The following CDH13 variants were observed in gnomAD, a reference collection of about 807,000 sequenced individuals.
CDH13 encodes cadherin-13.
A neutral mutation model predicts 63.8 loss-of-function variants in CDH13; 24 were observed. The ratio of observed to expected loss-of-function variants is 0.38; its 90% CI spans 0.27 to 0.53. The LOEUF (loss-of-function observed/expected upper bound fraction) is 0.53. Ranked by LOEUF, CDH13 falls within the 20% of genes least tolerant of loss-of-function variation. The pLI, the probability that CDH13 is intolerant of heterozygous loss-of-function variation, is 0.85. For synonymous variants in CDH13, 503 were observed against 355.3 expected (o/e 1.42, Z -4.67); for missense variants, 1,049 against 903.1 (o/e 1.16, Z -2.07).
intron 7 of CDH13, among the ~76,000 whole-genome samples, chr16:83,508,796 T>A (rs1053067883): frequency 8.5e-5 from 13 of 152,244 alleles, no homozygotes; most frequent in Non-Finnish European, 2.9e-5. Flanking sequence ...TGCACTCAAA[T>A]AGGCAGAGAG....
intron 10 of CDH13, among the ~76,000 whole-genome samples, chr16:83,727,890 G>A (rs976670953): frequency 6.6e-6 from 1 of 152,146 alleles, no homozygotes; most frequent in Non-Finnish European, 1.5e-5. Flanking sequence ...CGCTGCTAAT[G>A]GGCTCGCTTC....
At chr16:82,880,853 G>A (rs534147549) in intron 2 of CDH13, among the ~76,000 whole-genome samples, 8 of 152,256 alleles carry the variant, frequency 5.3e-5, no homozygotes, top group Non-Finnish European at 1.2e-4. Context: ...CTTTGAATGA[G>A]GGAATTCATA....
intron 5 of CDH13, among the ~76,000 whole-genome samples, chr16:83,314,890 C>A (rs541222633): frequency 6.6e-6 from 1 of 152,170 alleles, no homozygotes; most frequent in Admixed American, 6.5e-5. Flanking sequence ...GTCAGTGGTT[C>A]CTGTGGGTTC....
chr16:83,254,225 C>A (rs1182877647), intron 5 of CDH13, among the ~76,000 whole-genome samples: 1 of 152,174 alleles, frequency 6.6e-6, no homozygotes, highest in Non-Finnish European at 1.5e-5. Flanking sequence ...GGATTGGGAA[C>A]CACAGCGAAG....
At chr16:83,535,918 A>T (rs1010980016) in intron 7 of CDH13, among the ~76,000 whole-genome samples, 1 of 143,384 alleles carries the variant, frequency 7.0e-6, no homozygotes, top group African/African-American at 2.6e-5. Context: ...AAAAAAGGAA[A>T]GAAGGAAAGA....
intron 6 of CDH13, among the ~76,000 whole-genome samples, chr16:83,406,632 A>T (rs768224942): frequency 6.6e-6 from 1 of 152,016 alleles, no homozygotes; most frequent in Admixed American, 6.6e-5. Context: ...CGGCCAGCTA[A>T]TTTTTGTATT....
At chr16:82,918,549 C>T (rs988871025) in intron 2 of CDH13, among the ~76,000 whole-genome samples, 33 of 148,912 alleles carry the variant, frequency 2.2e-4, no homozygotes, top group South Asian at 2.1e-4. Flanking sequence ...CACTCTGTCA[C>T]CCAGGCTGGA....
intron 7 of CDH13, among the ~76,000 whole-genome samples, chr16:83,590,053 T>G (rs1463045951): frequency 6.6e-6 from 1 of 152,186 alleles, no homozygotes; most frequent in South Asian, 2.1e-4. Flanking sequence ...AGCTCAGCTT[T>G]ACAGAATATA....
chr16:83,019,264 T>C (rs1915111978), intron 2 of CDH13, among the ~76,000 whole-genome samples: 1 of 152,162 alleles, frequency 6.6e-6, no homozygotes, highest in Non-Finnish European at 1.5e-5. Context: ...CTCTTTTTCT[T>C]TTTCACTTGT....
chr16:82,934,981 A>G (rs577633865), intron 2 of CDH13, among the ~76,000 whole-genome samples: 1 of 152,264 alleles, frequency 6.6e-6, no homozygotes, highest in South Asian at 2.1e-4. Flanking sequence ...ACAGTTCCAA[A>G]GTCACTTCCA....
intron 5 of CDH13, among the ~76,000 whole-genome samples, chr16:83,227,981 C>G (rs1240431082): frequency 6.6e-6 from 1 of 152,074 alleles, no homozygotes; most frequent in Non-Finnish European, 1.5e-5. Context: ...TCAGGTGGCC[C>G]TAAGTGCTGG....
intron 6 of CDH13, among the ~76,000 whole-genome samples, chr16:83,471,275 CTT>C (rs34765413): frequency 1.6e-5 from 2 of 121,996 alleles, no homozygotes; most frequent in African/African-American, 3.2e-5. Flanking sequence ...TCTAACCACC[CTT>C]TTTTTTTTTT....
intron 1 of CDH13, among the ~76,000 whole-genome samples, chr16:82,807,041 A>G (rs2037179428): frequency 6.6e-6 from 1 of 152,088 alleles, no homozygotes; most frequent in South Asian, 2.1e-4. Context: ...CCAAATGACA[A>G]GTAACTTCTA....
intron 11 of CDH13, 77 bp downstream of exon 11, chr16:83,748,327 A>G: frequency 7.3e-7 from 1 of 1,371,128 alleles, no homozygotes; most frequent in Non-Finnish European, 1.0e-6. Context: ...ATTTCTTCTG[A>G]TACACCCAGG....
intron 10 of CDH13, among the ~76,000 whole-genome samples, chr16:83,699,150 G>T (rs556740017): frequency 5.1e-4 from 78 of 152,316 alleles, no homozygotes; most frequent in African/African-American, 1.7e-3. Flanking sequence ...ATAAGACATG[G>T]CCCCCAAAGC....
At chr16:83,106,476 G>A (rs902506092) in intron 3 of CDH13, among the ~76,000 whole-genome samples, 1 of 152,230 alleles carries the variant, frequency 6.6e-6, no homozygotes, top group Non-Finnish European at 1.5e-5. Context: ...AGGAAGCAGA[G>A]GTTGCGGTGG....
At position 83,362,317 on chromosome 16, in the gene CDH13, C is replaced by T. The variant is rs1037907363; in HGVS notation, c.781+17311C>T. On this transcript the variant is annotated intron_variant, in intron 6 of 13. Coordinates refer to ENST00000567109, the MANE Select transcript of CDH13 (RefSeq NM_001257.5). ...TTCTATTATGGCAATGTCACAGCCG[C>T]GTGTATGAGCTGTAATGAAAGACAG... is the stretch of plus-strand genomic sequence containing the variant. Among the ~76,000 whole-genome samples, 15 of 152,140 alleles carry T rather than the reference C, an allele frequency of 9.9e-5. 1 individual carries two copies. Among genetic ancestry groups the T allele is most frequent in the South Asian group, 2.1e-4 (1 of 4,834 alleles).
At chr16:83,396,168 C>G (rs2091883217) in intron 6 of CDH13, among the ~76,000 whole-genome samples, 1 of 152,070 alleles carries the variant, frequency 6.6e-6, no homozygotes, top group Non-Finnish European at 1.5e-5. Flanking sequence ...TGTATACATA[C>G]CAGAATTTGT....
intron 1 of CDH13, among the ~76,000 whole-genome samples, chr16:82,697,420 T>G (rs1256333632): frequency 1.0e-5 from 1 of 96,238 alleles, no homozygotes. Context: ...GCATTTCTTT[T>G]TTCTTTTTTT....
Sources: allele counts gnomAD v4.1 joint callset (sites outside exome capture counted in the v4.1 genomes callset), GRCh38; gene constraint gnomAD v4.1.1; transcripts MANE v1.5; gene names NCBI Gene and HGNC (gene_info 2026-07-23, HGNC 2026-07-21).